SUMF1: variants seen among roughly 807,000 people sequenced by gnomAD.
The protein encoded by SUMF1 is sulfatase modifying factor 1, also known as formylglycine-generating enzyme.
A neutral mutation model predicts 47.6 loss-of-function variants in SUMF1; 48 were observed. That is an observed-to-expected ratio of 1.01 (90% CI 0.80 to 1.28). The LOEUF (loss-of-function observed/expected upper bound fraction) is 1.28, where lower values mean the gene tolerates loss of function less well. Among genes scored for constraint, SUMF1 ranks in the 50% most tolerant of loss-of-function variants. The pLI is 0.00. For missense variants in SUMF1, 571 were observed against 485.4 expected (o/e 1.18, Z -1.66); for synonymous variants, 230 against 192.1 (o/e 1.20, Z -1.63).
At chr3:4,131,546 C>T (rs954872650) in intron 8 of SUMF1, among the ~76,000 whole-genome samples, 10 of 152,116 alleles carry the variant, frequency 6.6e-5, no homozygotes, top group Admixed American at 1.3e-4. Flanking sequence ...GAGCAGTGCA[C>T]CTGGTTGTGC....
chr3:4,213,917 T>G (rs1269043939), intron 8 of SUMF1, among the ~76,000 whole-genome samples: 1 of 152,146 alleles, frequency 6.6e-6, no homozygotes, highest in Non-Finnish European at 1.5e-5. Flanking sequence ...AAGCAAGTTC[T>G]TAGAGACCTA....
In SUMF1 at chr3:4,351,034, C is replaced by T. The variant is rs558814384; in HGVS notation, c.1014+25296G>A. Among the ~76,000 whole-genome samples, 23 of 152,200 alleles carry T rather than the reference C, an allele frequency of 1.5e-4. No individual in the cohort carries two copies. The South Asian group carries it at 3.5e-3, about 23-fold the overall frequency. On this transcript the variant is annotated intron_variant and NMD_transcript_variant, in intron 8 of 12. Coordinates refer to the SUMF1 transcript ENST00000448413. ...AAAACCACTTTGAGCTACCACTCCA[C>T]GGAAAACCATACCCACAGACGGAGG...
At chr3:4,415,060 C>CG (rs1701664807) in intron 6 of SUMF1, 1 of 152,040 alleles carries the variant, frequency 6.6e-6, no homozygotes, top group Admixed American at 6.6e-5. Context: ...AATCCTGTCT[C>CG]TACTAAAAAT....
chr3:4,261,507 G>A (rs1478828253), intron 8 of SUMF1, among the ~76,000 whole-genome samples: 7 of 152,164 alleles, frequency 4.6e-5, no homozygotes, highest in Non-Finnish European at 7.3e-5. Flanking sequence ...CCTGGGCATG[G>A]GTTGCTTGTC....
At chr3:4,238,602 C>T (rs1168188248) in intron 8 of SUMF1, among the ~76,000 whole-genome samples, 1 of 152,156 alleles carries the variant, frequency 6.6e-6, no homozygotes, top group Non-Finnish European at 1.5e-5. Flanking sequence ...ATATCCTTCA[C>T]CTACTTTTTG....
intron 8 of SUMF1, among the ~76,000 whole-genome samples, chr3:4,121,588 T>C (rs1358253115): frequency 1.3e-5 from 2 of 152,130 alleles, no homozygotes; most frequent in Non-Finnish European, 2.9e-5. Flanking sequence ...AGTAAACACA[T>C]GCTCAAAAAG....
intron 8 of SUMF1, among the ~76,000 whole-genome samples, chr3:4,322,270 T>C (rs892562052): frequency 6.6e-6 from 1 of 152,114 alleles, no homozygotes; most frequent in Non-Finnish European, 1.5e-5. Context: ...TATTGGTTCT[T>C]AATTGTAACA....
intron 8 of SUMF1, among the ~76,000 whole-genome samples, chr3:4,294,972 A>G (rs1276193747): frequency 4.6e-5 from 7 of 152,164 alleles, no homozygotes; most frequent in Non-Finnish European, 1.0e-4. Flanking sequence ...ACACATTCAC[A>G]CTTACTGAGA....
At chr3:4,410,256 C>G (rs931247999) in intron 7 of SUMF1, among the ~76,000 whole-genome samples, 4 of 152,322 alleles carry the variant, frequency 2.6e-5, no homozygotes, top group Admixed American at 6.5e-5. Context: ...GGGTAGTATA[C>G]TATTTGCATT....
chr3:4,279,231 C>A (rs1387380589), intron 8 of SUMF1, among the ~76,000 whole-genome samples: 1 of 151,980 alleles, frequency 6.6e-6, no homozygotes, highest in Non-Finnish European at 1.5e-5. Context: ...GTCATGGTAA[C>A]CTAAAATAGT....
chr3:4,272,727 C>T (rs373407183), intron 8 of SUMF1, among the ~76,000 whole-genome samples: 8 of 152,052 alleles, frequency 5.3e-5, no homozygotes, highest in Admixed American at 2.0e-4. Context: ...AATAAATATA[C>T]GAAATGATGC....
intron 8 of SUMF1, among the ~76,000 whole-genome samples, chr3:4,260,770 C>G (rs528213079): frequency 9.6e-4 from 146 of 152,130 alleles, no homozygotes; most frequent in Non-Finnish European, 1.5e-3. Flanking sequence ...CTGGCAGAGA[C>G]TTAGGAGTTC....
chr3:4,436,451 A>C (rs764215283), intron 3 of SUMF1, among the ~76,000 whole-genome samples: 39 of 152,210 alleles, frequency 2.6e-4, no homozygotes, highest in Non-Finnish European at 1.2e-4. Context: ...ATAAACAAAA[A>C]CATTCAAAAG....
chr3:4,445,911 T>C (rs930777573), intron 3 of SUMF1, among the ~76,000 whole-genome samples: 2 of 152,226 alleles, frequency 1.3e-5, no homozygotes. Context: ...TATTATTTCT[T>C]ACACTGCATG....
chr3:4,330,709 A>G (rs765522204), intron 8 of SUMF1, among the ~76,000 whole-genome samples: 1 of 152,216 alleles, frequency 6.6e-6, no homozygotes, highest in Non-Finnish European at 1.5e-5. Flanking sequence ...TTTCCAGCTC[A>G]TTCAAAAGAT....
At chr3:4,352,148 A>AAACAATGG (rs1181362656) in intron 8 of SUMF1, among the ~76,000 whole-genome samples, 2 of 152,084 alleles carry the variant, frequency 1.3e-5, no homozygotes, top group African/African-American at 4.8e-5. Flanking sequence ...ACTCACAATA[A>AAACAATGG]AACAATGGAC....
At chr3:4,255,211 G>A (rs1330311341) in intron 8 of SUMF1, among the ~76,000 whole-genome samples, 2,569 of 134,234 alleles carry the variant, frequency 0.019, 42 homozygotes, top group Non-Finnish European at 0.028. Context: ...ATCAACTAAC[G>A]AGCAAAATCA....
intron 8 of SUMF1, among the ~76,000 whole-genome samples, chr3:4,144,208 G>A (rs921318776): frequency 5.9e-5 from 9 of 151,834 alleles, no homozygotes; most frequent in Non-Finnish European, 1.2e-4. Context: ...CTCTAGCAAC[G>A]CTCCCACCTC....
At chr3:4,303,608 C>T in intron 8 of SUMF1, 2 of 1,375,918 alleles carry the variant, frequency 1.5e-6, no homozygotes, top group South Asian at 3.4e-5. Context: ...CTGGGACGGC[C>T]TCCCAGTCGC....
Sources: gnomAD v4.1 joint callset for allele counts (sites outside exome capture counted in the v4.1 genomes callset) on GRCh38, gnomAD v4.1.1 for gene constraint, MANE v1.5 for transcripts, NCBI Gene and HGNC (gene_info 2026-07-23, HGNC 2026-07-21) for gene names.